Variants in C5 observed in about 807,000 individuals in gnomAD.
The protein encoded by C5 is complement C5.
Under a neutral mutation model 218.8 loss-of-function variants are expected in C5, and 140 were observed. The observed-to-expected ratio is 0.64, with a 90% CI of 0.56 to 0.74. C5 has a LOEUF of 0.74. Ranked by LOEUF, C5 falls within the 30% of genes least tolerant of loss-of-function variation. The pLI is 0.00. For synonymous variants in C5, 614 were observed against 682.3 expected (o/e 0.90, Z 1.56); for missense variants, 1,700 against 1,969.6 (o/e 0.86, Z 2.59).
At chr9:121,017,980 C>A in intron 12 of C5, 128 bp from the exon 13 acceptor site, 1 of 675,012 alleles carries the variant, frequency 1.5e-6, no homozygotes, top group Non-Finnish European at 2.6e-6. Context: ...AGGCTGGGCA[C>A]AGTGGCTCAC....
At chr9:121,059,355 T>A in the C5 span, among the ~76,000 whole-genome samples, 1 of 152,214 alleles carries the variant, frequency 6.6e-6, no homozygotes. The surrounding 1 kb of genome is among the most constrained non-coding windows in gnomAD (Gnocchi z 4.1). Context: ...GAGGAGATGC[T>A]CACTCTCCCT....
intron 1 of C5, among the ~76,000 whole-genome samples, chr9:121,048,239 T>C (rs1486330016): frequency 6.6e-6 from 1 of 152,174 alleles, no homozygotes; most frequent in Non-Finnish European, 1.5e-5. Flanking sequence ...TTTTGAATTG[T>C]GTATGGTAGG....
At chr9:120,969,040 C>T in intron 33 of C5, 21 bp downstream of exon 33, 1 of 1,606,088 alleles carries the variant, frequency 6.2e-7, no homozygotes, top group South Asian at 1.1e-5. Flanking sequence ...TCTATGCTCC[C>T]CTTTGTGGAA....
intron 20 of C5, among the ~76,000 whole-genome samples, chr9:121,000,561 C>G (rs1472736587): frequency 6.6e-6 from 1 of 152,116 alleles, no homozygotes; most frequent in Non-Finnish European, 1.5e-5. Context: ...AATTCCTTAA[C>G]AAATACTGCT....
At chr9:121,038,342 T>C (rs2047548318) in intron 3 of C5, among the ~76,000 whole-genome samples, 1 of 152,202 alleles carries the variant, frequency 6.6e-6, no homozygotes, top group Non-Finnish European at 1.5e-5. Context: ...GAGCATAATA[T>C]ATTGTCTCAG....
At chr9:120,989,834 T>C in intron 23 of C5, 54 bp from the exon 24 acceptor site, 1 of 1,384,006 alleles carries the variant, frequency 7.2e-7, no homozygotes, top group Non-Finnish European at 1.0e-6. Context: ...CTTCTAACAG[T>C]ATGTTCTCAA....
At chr9:121,034,923 G>T in intron 4 of C5, 29 bp from the exon 5 acceptor site, 6 of 1,123,004 alleles carry the variant, frequency 5.3e-6, no homozygotes, top group Non-Finnish European at 8.0e-6. Flanking sequence ...ACCCTCAAAG[G>T]CCAGAAACTA....
chr9:121,041,297 CT>C (rs386416117), intron 3 of C5, among the ~76,000 whole-genome samples: 13 of 72,672 alleles, frequency 1.8e-4, no homozygotes, highest in Middle Eastern at 0.018. Flanking sequence ...TACATGAAGC[CT>C]TTTTTTTTTT....
intron 17 of C5, among the ~76,000 whole-genome samples, chr9:121,011,419 A>G (rs569188397): frequency 1.3e-5 from 2 of 152,324 alleles, no homozygotes; most frequent in Admixed American, 1.3e-4. Flanking sequence ...TCAAAGCTAC[A>G]ATGAAATATC....
At chr9:121,041,214 G>T (rs2047576301) in intron 3 of C5, among the ~76,000 whole-genome samples, 1 of 149,874 alleles carries the variant, frequency 6.7e-6, no homozygotes, top group Non-Finnish European at 1.5e-5. Flanking sequence ...AAAGTACTGG[G>T]ATTACAGGCA....
intron 11 of C5, 95 bp downstream of exon 11, chr9:121,021,414 T>G: frequency 1.1e-6 from 1 of 940,032 alleles, no homozygotes; most frequent in Non-Finnish European, 1.7e-6. Flanking sequence ...TGGACTCATG[T>G]GTAAAATCTG....
chr9:120,982,169 G>A (rs868663925), intron 26 of C5, among the ~76,000 whole-genome samples: 5 of 152,118 alleles, frequency 3.3e-5, no homozygotes, highest in Non-Finnish European at 4.4e-5. Context: ...GCACTACCAC[G>A]CACGGCTAAT....
chr9:120,971,288 A>T (rs1253524151), intron 31 of C5, among the ~76,000 whole-genome samples: 1 of 151,924 alleles, frequency 6.6e-6, no homozygotes, highest in East Asian at 1.9e-4. Flanking sequence ...GATGGGATAG[A>T]AAACATATAT....
At chr9:120,957,753 G>A (rs1339311956) in intron 38 of C5, among the ~76,000 whole-genome samples, 1 of 152,194 alleles carries the variant, frequency 6.6e-6, no homozygotes, top group Non-Finnish European at 1.5e-5. Flanking sequence ...TGGCCACAGA[G>A]GAGGCCTTAT....
chr9:120,989,871 G>T, intron 23 of C5, 91 bp from the exon 24 acceptor site: 4 of 1,040,670 alleles, frequency 3.8e-6, no homozygotes, highest in Non-Finnish European at 5.9e-6. Context: ...TCTAGAGATG[G>T]TTCTTCCCTT....
chr9:120,998,401 T>A (rs1383295490), intron 20 of C5, among the ~76,000 whole-genome samples: 1 of 152,232 alleles, frequency 6.6e-6, no homozygotes, highest in Admixed American at 6.5e-5. Flanking sequence ...TCTTTACATG[T>A]TTGTGTTTCA....
intron 29 of C5, among the ~76,000 whole-genome samples, chr9:120,975,306 T>G (rs2046945009): frequency 1.3e-5 from 2 of 152,224 alleles, no homozygotes; most frequent in African/African-American, 2.4e-5. Flanking sequence ...TTTCCCGTTA[T>G]TCTCTGTTTT....
the C5 span, among the ~76,000 whole-genome samples, chr9:121,064,764 C>A: frequency 1.3e-5 from 2 of 152,132 alleles, no homozygotes; most frequent in African/African-American, 2.4e-5. Context: ...AATTTGGAAT[C>A]AAAAATATAA....
At chr9:121,061,238 C>A in the C5 span, among the ~76,000 whole-genome samples, 10 of 151,842 alleles carry the variant, frequency 6.6e-5, no homozygotes, top group Admixed American at 2.0e-4. Flanking sequence ...GTAGCTCTGG[C>A]CACTTACATA....
Sources: gnomAD v4.1 joint callset for allele counts (sites outside exome capture counted in the v4.1 genomes callset) on GRCh38, gnomAD v4.1.1 for gene constraint, Gnocchi (gnomAD v3.1) non-coding constraint, MANE v1.5 for transcripts, NCBI Gene and HGNC (gene_info 2026-07-23, HGNC 2026-07-21) for gene names.